PCCB: variants seen among roughly 807,000 people sequenced by gnomAD.
PCCB encodes propionyl-CoA carboxylase beta chain, mitochondrial.
PCCB carries 43 observed loss-of-function variants against 60.7 expected under a neutral mutation model. The ratio of observed to expected loss-of-function variants is 0.71; its 90% CI spans 0.55 to 0.91. The LOEUF (loss-of-function observed/expected upper bound fraction) is 0.91, where lower values mean the gene tolerates loss of function less well. PCCB is among the 40% of genes least tolerant of loss of function. PCCB has a pLI of 0.00. For synonymous variants in PCCB, 276 were observed against 255.9 expected, an observed-to-expected ratio of 1.08 and a Z score of -0.75; for missense variants, 766 against 702.8, an observed-to-expected ratio of 1.09 and a Z score of -1.02.
intron 8 of PCCB, among the ~76,000 whole-genome samples, chr3:136,299,811 T>C (rs551395468): frequency 2.7e-5 from 4 of 148,476 alleles, no homozygotes; most frequent in East Asian, 2.1e-4. Flanking sequence ...TATGTATAGG[T>C]ATGCATGTGT....
rs144061462 is a variant in PCCB at position 136,296,581 on chromosome 3, A to G, written c.764-1371A>G. Among the ~76,000 whole-genome samples, 8 of 152,298 alleles carry G rather than the reference A, an allele frequency of 5.3e-5. No homozygotes were observed. The East Asian group carries it at 1.2e-3, about 22-fold the overall frequency. ...ATGCCTGTATTAATATTTATATGCA[A>G]GTTTTTGGGTAGACATATGTTTTCA... On this transcript the variant is annotated intron_variant, in intron 7 of 14. Transcript: ENST00000251654.
intron 5 of PCCB, among the ~76,000 whole-genome samples, chr3:136,279,909 GC>G (rs1316858641): frequency 6.6e-6 from 1 of 152,114 alleles, no homozygotes; most frequent in Admixed American, 6.5e-5. Flanking sequence ...CTCGTGATCT[GC>G]CCGTCTCGGC....
intron 9 of PCCB, among the ~76,000 whole-genome samples, chr3:136,304,526 C>G (rs1197396986): frequency 8.4e-6 from 1 of 118,368 alleles, no homozygotes; most frequent in Non-Finnish European, 1.9e-5. Context: ...GGACTACAGG[C>G]ACCCACCACC....
At chr3:136,318,732 A>G (rs992301420) in intron 10 of PCCB, among the ~76,000 whole-genome samples, 1 of 152,214 alleles carries the variant, frequency 6.6e-6, no homozygotes, top group Non-Finnish European at 1.5e-5. Flanking sequence ...ATATTGTAGC[A>G]TATGTTAGAA....
chr3:136,315,678 A>ATT (rs35871807), intron 9 of PCCB, among the ~76,000 whole-genome samples: 8 of 147,076 alleles, frequency 5.4e-5, no homozygotes, highest in Non-Finnish European at 9.0e-5. Context: ...AAAAAATATA[A>ATT]TTTTTTTTTT....
intron 5 of PCCB, among the ~76,000 whole-genome samples, chr3:136,270,783 G>A (rs1942177480): frequency 6.6e-6 from 1 of 152,150 alleles, no homozygotes. Flanking sequence ...TGGGATTACA[G>A]GCATGAGCCC....
chr3:136,280,016 G>A (rs1004607064), intron 5 of PCCB, among the ~76,000 whole-genome samples: 10 of 152,122 alleles, frequency 6.6e-5, no homozygotes, highest in Non-Finnish European at 1.5e-4. Flanking sequence ...CCTCTGCTGG[G>A]GCCGCAACTG....
At chr3:136,288,253 A>G (rs1171448390) in intron 6 of PCCB, among the ~76,000 whole-genome samples, 1 of 152,044 alleles carries the variant, frequency 6.6e-6, no homozygotes, top group Non-Finnish European at 1.5e-5. Flanking sequence ...TTGTTAGATG[A>G]AGTATGTCCA....
chr3:136,292,235 AGT>A (rs1491258319), intron 6 of PCCB, among the ~76,000 whole-genome samples: 15 of 133,870 alleles, frequency 1.1e-4, no homozygotes, highest in Non-Finnish European at 2.2e-4. Context: ...TTGTGTCTCT[AGT>A]TTTTTTTTTT....
chr3:136,320,027 T>C (rs1935055405), intron 10 of PCCB, among the ~76,000 whole-genome samples: 1 of 152,226 alleles, frequency 6.6e-6, no homozygotes, highest in Admixed American at 6.5e-5. Context: ...TGAATTTGTT[T>C]CTGTATTCTT....
In PCCB at chr3:136,327,267, A is replaced by C; in HGVS notation, c.1299+12A>C. ...TCATCACCAGGAAGGTGAGGACCTC[A>C]TGTTGGAGGCCATGACCCTGCTCAC... On this transcript the variant is annotated intron_variant, in intron 12 of 14. Coordinates refer to ENST00000251654, the MANE Select transcript of PCCB (RefSeq NM_000532.5). 5.6e-6 allele frequency: 9 copies of C among 1,596,606 alleles called. No individual in the cohort carries two copies. Among genetic ancestry groups the C allele is most frequent in the Non-Finnish European group, 6.9e-6 (8 of 1,163,950 alleles).
At chr3:136,329,393 G>A (rs1455082011) in intron 14 of PCCB, among the ~76,000 whole-genome samples, 3 of 152,156 alleles carry the variant, frequency 2.0e-5, no homozygotes, top group Admixed American at 6.5e-5. Context: ...ATGGTGTCCC[G>A]AGAGTAGCAA....
chr3:136,275,113 A>G (rs377270183), intron 5 of PCCB, among the ~76,000 whole-genome samples: 17 of 151,998 alleles, frequency 1.1e-4, no homozygotes, highest in Non-Finnish European at 2.5e-4. Flanking sequence ...ACCCCAGCCT[A>G]TTTATTTCTT....
At chr3:136,255,763 A>C (rs779140398) in intron 1 of PCCB, 93 bp from the exon 2 acceptor site, 69 of 1,100,882 alleles carry the variant, frequency 6.3e-5, no homozygotes, top group Non-Finnish European at 9.5e-5. Context: ...TCAACGGGCA[A>C]ATCTGCCCTT....
intron 4 of PCCB, among the ~76,000 whole-genome samples, chr3:136,261,471 T>G (rs1941823071): frequency 6.6e-6 from 1 of 152,210 alleles, no homozygotes; most frequent in African/African-American, 2.4e-5. Flanking sequence ...ATATTGCTTA[T>G]TATGCTGTCG....
chr3:136,309,521 C>T (rs1190227754), intron 9 of PCCB, among the ~76,000 whole-genome samples: 1 of 151,992 alleles, frequency 6.6e-6, no homozygotes, highest in African/African-American at 2.4e-5. Context: ...GTTAAGAGGC[C>T]AGGTGTGGTG....
chr3:136,258,691 C>G (rs1463516532), intron 3 of PCCB, among the ~76,000 whole-genome samples: 1 of 152,104 alleles, frequency 6.6e-6, no homozygotes, highest in Non-Finnish European at 1.5e-5. Flanking sequence ...CTCACCTTTT[C>G]CTCTTTTAGG....
At chr3:136,300,054 AC>A (rs2097447289) in intron 8 of PCCB, among the ~76,000 whole-genome samples, 2 of 152,088 alleles carry the variant, frequency 1.3e-5, no homozygotes, top group African/African-American at 2.4e-5. Context: ...ATGCCCACAC[AC>A]ATGCATATCA....
chr3:136,325,743 T>A (rs887154721), intron 10 of PCCB, among the ~76,000 whole-genome samples: 1 of 152,236 alleles, frequency 6.6e-6, no homozygotes, highest in Non-Finnish European at 1.5e-5. Flanking sequence ...TTTCCTTTAT[T>A]TAATAATTTC....
Sources: allele counts gnomAD v4.1 joint callset (sites outside exome capture counted in the v4.1 genomes callset), GRCh38; gene constraint gnomAD v4.1.1; transcripts MANE v1.5; gene names NCBI Gene and HGNC (gene_info 2026-07-23, HGNC 2026-07-21).